The following PALS2 variants were observed in gnomAD, a reference collection of about 807,000 sequenced individuals.
The protein encoded by PALS2 is protein associated with LIN7 2, MAGUK p55 family member.
A neutral mutation model predicts 61.6 loss-of-function variants in PALS2; 27 were observed. The ratio of observed to expected loss-of-function variants is 0.44; its 90% CI spans 0.32 to 0.60. The LOEUF (loss-of-function observed/expected upper bound fraction) is 0.60, where lower values mean the gene tolerates loss of function less well. Among genes scored for constraint, PALS2 ranks in the 20% least tolerant of loss-of-function variants. The pLI, the probability that PALS2 is intolerant of heterozygous loss-of-function variation, is 0.05. For missense variants in PALS2, 554 were observed against 639.4 expected, an observed-to-expected ratio of 0.87 and a Z score of 1.44; for synonymous variants, 236 against 218.6, an observed-to-expected ratio of 1.08 and a Z score of -0.70.
At chr7:24,674,903 CTTCA>C (rs1157509178) in intron 9 of PALS2, among the ~76,000 whole-genome samples, 37 of 152,054 alleles carry the variant, frequency 2.4e-4, no homozygotes, top group African/African-American at 8.7e-4. Flanking sequence ...TTGATTGTGT[CTTCA>C]TTATTTGAAG....
chr7:24,689,818 A>C lies in PALS2; in HGVS notation c.*2204A>C, dbSNP rs1456579123. ...TGTTTCAACACACACTTGAAATTTT[A>C]AGAGAAATTTCAGTTCTTCACTCAG... On this transcript the variant is annotated 3_prime_UTR_variant, in exon 12 of 12. Transcript: ENST00000222644. The C allele has an allele frequency of 6.6e-6, 1 of 152,186 alleles. No homozygotes were observed. The highest frequency in any genetic ancestry group is 1.5e-5 in the Non-Finnish European group (1 of 68,040). The allele number at this position is 152,186 out of a possible 1,614,324, so 9.4% of individuals were successfully genotyped here.
chr7:24,682,442 C>T (rs1355970434), intron 11 of PALS2, among the ~76,000 whole-genome samples: 2 of 152,174 alleles, frequency 1.3e-5, no homozygotes, highest in African/African-American at 4.8e-5. Context: ...CCACCTGGGT[C>T]TCCCTGGACT....
intron 8 of PALS2, among the ~76,000 whole-genome samples, chr7:24,667,957 T>C (rs931818627): frequency 6.6e-6 from 1 of 150,966 alleles, no homozygotes; most frequent in Non-Finnish European, 1.5e-5. Context: ...TGAGCCACCA[T>C]GCCCAGCCCG....
At chr7:24,579,155 T>A (rs1420973820) in intron 1 of PALS2, among the ~76,000 whole-genome samples, 1 of 152,204 alleles carries the variant, frequency 6.6e-6, no homozygotes, top group East Asian at 1.9e-4. Flanking sequence ...GAAATGCAAG[T>A]GTTTTGTAAG....
At chr7:24,625,583 G>A (rs938081756) in intron 2 of PALS2, among the ~76,000 whole-genome samples, 7 of 152,244 alleles carry the variant, frequency 4.6e-5, no homozygotes, top group Middle Eastern at 3.4e-3. Context: ...CTCCAACACC[G>A]GGTGATGGGG....
rs370002977 is a variant in PALS2 at position 24,634,264 on chromosome 7, T to G, written c.118-7452T>G. Among the ~76,000 whole-genome samples, 13 of 152,328 alleles carry G rather than the reference T, an allele frequency of 8.5e-5. No individual in the cohort carries two copies. In the East Asian group the frequency reaches 9.6e-4, roughly 11 times the overall value. On this transcript the variant is annotated intron_variant, in intron 2 of 11. Coordinates refer to ENST00000222644, the MANE Select transcript of PALS2 (RefSeq NM_001303037.2). ...TTATTTTTTTGAGATGGAGTCTTGC[T>G]CTGCCGCCCAGGCTGGAGTGCAGTG...
chr7:24,613,726 C>T (rs181713134), intron 1 of PALS2, among the ~76,000 whole-genome samples: 1 of 151,878 alleles, frequency 6.6e-6, no homozygotes, highest in East Asian at 1.9e-4. Flanking sequence ...TTTATCACAT[C>T]TCTTCCTACC....
intron 1 of PALS2, among the ~76,000 whole-genome samples, chr7:24,612,432 A>G (rs1380683096): frequency 3.3e-5 from 5 of 151,924 alleles, no homozygotes; most frequent in Non-Finnish European, 5.9e-5. Context: ...TTTTCAGGTA[A>G]ATTTTAGGAT....
At chr7:24,574,922 G>C (rs1437175935) in intron 1 of PALS2, among the ~76,000 whole-genome samples, 2 of 152,146 alleles carry the variant, frequency 1.3e-5, no homozygotes, top group Non-Finnish European at 2.9e-5. Context: ...CATCTACTGT[G>C]CAATGATAGG....
At chr7:24,674,895 G>T (rs1787480818) in intron 9 of PALS2, among the ~76,000 whole-genome samples, 1 of 152,084 alleles carries the variant, frequency 6.6e-6, no homozygotes, top group Admixed American at 6.6e-5. Flanking sequence ...TTACTTTGTT[G>T]ATTGTGTCTT....
chr7:24,646,387 C>T lies in PALS2; in HGVS notation c.271-3225C>T, dbSNP rs1056049608. Among the ~76,000 whole-genome samples, 3 of 152,012 alleles carry T rather than the reference C, an allele frequency of 2.0e-5. No homozygotes were observed. The East Asian group carries it at 5.8e-4, about 29-fold the overall frequency. Reference sequence around the variant, plus strand: ...AGGGTTGTTGAATTTTATTGGAAGCCTTTTCTGCTCTATTGAGGTAATTAT... The same window carrying T: ...AGGGTTGTTGAATTTTATTGGAAGCTTTTTCTGCTCTATTGAGGTAATTAT... On this transcript the variant is annotated intron_variant, in intron 3 of 11. Coordinates refer to ENST00000222644, the MANE Select transcript of PALS2 (RefSeq NM_001303037.2).
chr7:24,680,714 G>A (rs1280099321), intron 11 of PALS2, among the ~76,000 whole-genome samples, 194 bp downstream of exon 11: 2 of 152,166 alleles, frequency 1.3e-5, no homozygotes, highest in African/African-American at 4.8e-5. Flanking sequence ...TCCTGCCTCA[G>A]CCTCCCAAGT....
intron 2 of PALS2, among the ~76,000 whole-genome samples, chr7:24,636,177 A>C (rs541932797): frequency 2.0e-5 from 3 of 146,734 alleles, no homozygotes; most frequent in African/African-American, 7.6e-5. Context: ...ACATCATTGC[A>C]CTCCAGCCTG....
chr7:24,605,495 A>T (rs1193318618), intron 1 of PALS2, among the ~76,000 whole-genome samples: 1 of 152,194 alleles, frequency 6.6e-6, no homozygotes, highest in Non-Finnish European at 1.5e-5. Flanking sequence ...ATACAGTAAC[A>T]CATTATGTTT....
In PALS2 at chr7:24,689,232, G is replaced by C. The variant is rs1055912355; in HGVS notation, c.*1618G>C. ...CTTCCTTTAGGATTCTTGGATAATAGAAATTCTTCCTAAAACATACTCAGA... is the reference window on the plus strand; with the variant it reads ...CTTCCTTTAGGATTCTTGGATAATACAAATTCTTCCTAAAACATACTCAGA... On this transcript the variant is annotated 3_prime_UTR_variant, in exon 12 of 12. Coordinates refer to ENST00000222644, the MANE Select transcript of PALS2 (RefSeq NM_001303037.2). The C allele has an allele frequency of 6.6e-6, 1 of 152,212 alleles. No homozygotes were observed. Among genetic ancestry groups the C allele is most frequent in the East Asian group, 1.9e-4 (1 of 5,200 alleles). 9.4% of individuals were successfully genotyped at this position (152,212 alleles called of 1,614,324 possible).
chr7:24,632,526 A>G lies in PALS2; in HGVS notation c.117+8742A>G, dbSNP rs144830029. Among the ~76,000 whole-genome samples the G allele has an allele frequency of 2.2e-3, 340 of 152,172 alleles. 5 individuals carry two copies. Among genetic ancestry groups the G allele is most frequent in the Admixed American group, 0.019 (290 of 15,286 alleles). ...GCAATTCTCCTGCCTCAGCCTCTCA[A>G]GTAGCTGGGATTACAGGCACGCCCA... is the stretch of plus-strand genomic sequence containing the variant. On this transcript the variant is annotated intron_variant, in intron 2 of 11. Transcript: ENST00000222644.
chr7:24,650,738 T>A, intron 5 of PALS2, 26 bp downstream of exon 5: 1 of 1,380,084 alleles, frequency 7.2e-7, no homozygotes, highest in Non-Finnish European at 9.9e-7. Flanking sequence ...TTTGGTAGTA[T>A]TAAAAATACT....
At chr7:24,652,589 CT>C (rs139053481) in intron 5 of PALS2, among the ~76,000 whole-genome samples, 11,977 of 144,298 alleles carry the variant, frequency 0.083, 538 homozygotes, top group African/African-American at 0.12. Flanking sequence ...CAAATTGAGA[CT>C]TTTTTTTTTT....
At position 24,641,815 on chromosome 7, in the gene PALS2, G is replaced by A; in HGVS notation, c.217G>A (p.Val73Met). 1 of 1,613,110 alleles carries A rather than the reference G, an allele frequency of 6.2e-7. No individual in the cohort carries two copies. The highest frequency in any genetic ancestry group is 8.5e-7 in the Non-Finnish European group (1 of 1,179,596). The change falls in exon 3 of 12, where the codon GTG becomes ATG. Residue 73 changes from valine to methionine, a missense_variant. Transcript: ENST00000222644. ...TGAAGACATCACTCCTCTAATAAAT[G>A]TGGATGAAAATGTGGCAGAATTGGT... ...ILEDITPLINVDENVAELVGI... is the reference protein window; with the variant it reads ...ILEDITPLINMDENVAELVGI...
Sources: allele counts gnomAD v4.1 joint callset (sites outside exome capture counted in the v4.1 genomes callset), GRCh38; gene constraint gnomAD v4.1.1; transcripts MANE v1.5; gene names NCBI Gene and HGNC (gene_info 2026-07-23, HGNC 2026-07-21).